The following NAALAD2 variants were observed in gnomAD, a reference collection of about 807,000 sequenced individuals.
NAALAD2 encodes the protein N-acetylated-alpha-linked acidic dipeptidase 2.
A neutral mutation model predicts 95.6 loss-of-function variants in NAALAD2; 89 were observed. The ratio of observed to expected loss-of-function variants is 0.93; its 90% confidence interval spans 0.78 to 1.11. The LOEUF (loss-of-function observed/expected upper bound fraction) is 1.11, where lower values mean the gene tolerates loss of function less well. NAALAD2 is among the 50% of genes least tolerant of loss of function. The pLI, the probability that NAALAD2 is intolerant of heterozygous loss-of-function variation, is 0.00. For synonymous variants in NAALAD2, 264 were observed against 294.4 expected (o/e 0.90, Z 1.06); for missense variants, 894 against 872.4 (o/e 1.02, Z -0.31).
In NAALAD2 at chr11:90,159,936, A is replaced by G. The variant is rs547554530; in HGVS notation, c.989+599A>G. Among the ~76,000 whole-genome samples the G allele has an allele frequency of 1.3e-3, 194 of 149,296 alleles. 1 individual carries two copies. The highest frequency in any genetic ancestry group is 4.8e-3 in the African/African-American group (191 of 39,840). On this transcript the variant is annotated intron_variant, in intron 8 of 18. Coordinates refer to ENST00000534061, the MANE Select transcript of NAALAD2 (RefSeq NM_005467.4). ...GCCATTGCACTTGAGCCTGGCCAAC[A>G]AGACTGAAACTCCATCTAAAAAAAA...
chr11:90,147,222 G>C, intron 2 of NAALAD2, 108 bp from the exon 3 acceptor site: 1 of 851,408 alleles, frequency 1.2e-6, no homozygotes, highest in South Asian at 1.9e-5. Context: ...TGTCATATAG[G>C]AATGACAACT....
chr11:90,181,100 C>T (rs1449276900), intron 16 of NAALAD2, among the ~76,000 whole-genome samples: 1 of 152,106 alleles, frequency 6.6e-6, no homozygotes, highest in Non-Finnish European at 1.5e-5. Context: ...TCACTTTCCT[C>T]AGAAGCATTG....
rs760838874 is a variant in NAALAD2 at position 90,191,742 on chromosome 11, T to A, written c.2218T>A (p.Leu740Ile). Residue 740 changes from leucine to isoleucine, a missense_variant, in exon 19 of 19, where the codon TTA (leucine) becomes ATA (isoleucine). Leu to Ile is a conservative substitution (Grantham distance 5). Coordinates refer to ENST00000534061, the MANE Select transcript of NAALAD2 (RefSeq NM_005467.4). Reference protein sequence around the residue: ...QAAAGTLKEVL With the variant: ...QAAAGTLKEVI The stretch of plus-strand genomic sequence containing the variant: ...AGCAGCAGGAACTCTGAAAGAAGTA[T>A]TATAGAAGGTCTCAAGTGGCTAGCC... 83 of 1,561,230 alleles carry A rather than the reference T, an allele frequency of 5.3e-5. 2 individuals carry two copies. In the South Asian group the frequency reaches 1.0e-3, roughly 19 times the overall value.
At chr11:90,165,601 CTTGTCTGGTATCACCCT>C (rs1316715552) in intron 11 of NAALAD2, among the ~76,000 whole-genome samples, 3 of 152,180 alleles carry the variant, frequency 2.0e-5, no homozygotes, top group Admixed American at 6.5e-5. Flanking sequence ...CTCACAATTA[CTTGTCTGGTATCACCCT>C]TTGTTGATTA....
chr11:90,145,076 G>A (rs1943359), intron 2 of NAALAD2, among the ~76,000 whole-genome samples: 68,734 of 151,938 alleles, frequency 0.45, 16,617 homozygotes, highest in African/African-American at 0.62. Flanking sequence ...TCTAGCAATG[G>A]TTGATTTGAG....
At chr11:90,161,407 A>G (rs1015050274) in intron 8 of NAALAD2, among the ~76,000 whole-genome samples, 2 of 152,102 alleles carry the variant, frequency 1.3e-5, no homozygotes, top group African/African-American at 4.8e-5. Flanking sequence ...GTTTTTCCCA[A>G]TTTTTCCTTA....
chr11:90,174,758 T>C (rs1333951477), intron 14 of NAALAD2, among the ~76,000 whole-genome samples: 3 of 151,982 alleles, frequency 2.0e-5, no homozygotes, highest in African/African-American at 7.2e-5. Context: ...AAACATTATG[T>C]AATAAAAAGT....
intron 14 of NAALAD2, among the ~76,000 whole-genome samples, chr11:90,175,641 G>T (rs1591016010): frequency 6.6e-6 from 1 of 152,222 alleles, no homozygotes; most frequent in South Asian, 2.1e-4. Context: ...AAACAAAAAT[G>T]TAAATGCTGA....
intron 16 of NAALAD2, among the ~76,000 whole-genome samples, chr11:90,179,465 TTATA>T (rs1374234894): frequency 6.6e-6 from 1 of 152,094 alleles, no homozygotes; most frequent in African/African-American, 2.4e-5. Context: ...CTGAATATTA[TTATA>T]TAAAGGATTA....
At chr11:90,159,608 T>G (rs1952226554) in intron 8 of NAALAD2, among the ~76,000 whole-genome samples, 1 of 152,162 alleles carries the variant, frequency 6.6e-6, no homozygotes, top group Non-Finnish European at 1.5e-5. Context: ...TTCAGCTATT[T>G]TTTAAAAATA....
rs960999355 is a variant in NAALAD2 at position 90,186,018 on chromosome 11, C to CT, written c.2033+3020dup. Among the ~76,000 whole-genome samples the CT allele has an allele frequency of 4.7e-4, 70 of 149,296 alleles. 1 individual carries two copies. Among genetic ancestry groups the CT allele is most frequent in the African/African-American group, 1.4e-3 (57 of 40,798 alleles). ...TTGCTTACACTGAAGAACTTGTAAT[C>CT]TTTTTTTTTTAAATTTATTTATTAT... On this transcript the variant is annotated intron_variant, in intron 18 of 18. Coordinates refer to ENST00000534061, the MANE Select transcript of NAALAD2 (RefSeq NM_005467.4).
Position 90,178,107 on chromosome 11 carries a change from A to T in NAALAD2, c.1848A>T (p.Gly616=), listed in dbSNP as rs760364862. The T allele has an allele frequency of 6.2e-7, 1 of 1,608,048 alleles. No homozygotes were observed. The highest frequency in any genetic ancestry group is 1.3e-5 in the African/African-American group (1 of 74,602). Reference sequence around the variant, plus strand: ...ATGATCAACAATTGACAGACCATGGAGTATCATTTGGTAAGAAATAGTTGG... The same window carrying T: ...ATGATCAACAATTGACAGACCATGGTGTATCATTTGGTAAGAAATAGTTGG... ...KKHDQQLTDH[G]VSFDSLFSAV... is the part of the protein sequence containing the mutation. The change falls in exon 16 of 19, where the codon GGA becomes GGT. Residue 616 remains glycine, a synonymous_variant. Coordinates refer to ENST00000534061, the MANE Select transcript of NAALAD2 (RefSeq NM_005467.4).
chr11:90,178,188 T>A, intron 16 of NAALAD2, 71 bp downstream of exon 16: 1 of 1,442,542 alleles, frequency 6.9e-7, no homozygotes, highest in Non-Finnish European at 9.4e-7. Context: ...CCTATGATGA[T>A]CAATGCATAT....
Position 90,158,125 on chromosome 11 carries a change from T to A in NAALAD2, c.797-20T>A. On this transcript the variant is annotated intron_variant, in intron 6 of 18. Transcript: ENST00000534061. ...TCAGATTTTTAAATTGTTTTCATTT[T>A]ATGCATTTGATTTTTTTAGAATACA... is the stretch of plus-strand genomic sequence containing the variant. The A allele has an allele frequency of 6.6e-7, 1 of 1,526,144 alleles. No homozygotes were observed. Among genetic ancestry groups the A allele is most frequent in the East Asian group, 2.3e-5 (1 of 44,316 alleles). The allele number at this position is 1,526,144 out of a possible 1,614,324, so 94.5% of individuals were successfully genotyped here. A position where few individuals can be genotyped will look rare whatever the true frequency, so the allele number is the denominator to read the frequency against.
intron 6 of NAALAD2, among the ~76,000 whole-genome samples, chr11:90,155,406 A>ATGTAAT (rs1565522727): frequency 2.3e-5 from 2 of 85,278 alleles, no homozygotes; most frequent in Non-Finnish European, 4.1e-5. Context: ...TAATATATAT[A>ATGTAAT]ATGTAATATT....
chr11:90,181,400 T>G (rs1014773786), intron 16 of NAALAD2, among the ~76,000 whole-genome samples: 2 of 152,104 alleles, frequency 1.3e-5, no homozygotes, highest in African/African-American at 4.8e-5. Flanking sequence ...CCTAGATTTT[T>G]GAAAGTCATT....
chr11:90,152,831 A>T lies in NAALAD2; in HGVS notation c.796+347A>T, dbSNP rs564903789. On this transcript the variant is annotated intron_variant, in intron 6 of 18. Coordinates refer to ENST00000534061, the MANE Select transcript of NAALAD2 (RefSeq NM_005467.4). ...TAGATTGTATTTTTAAAAATACAATAGATAGATTGAATTATCGATAGATTG... is the reference window on the plus strand; with the variant it reads ...TAGATTGTATTTTTAAAAATACAATTGATAGATTGAATTATCGATAGATTG... 4.6e-5 allele frequency among the ~76,000 whole-genome samples: 7 copies of T among 152,254 alleles called. No homozygotes were observed. In the South Asian group the frequency reaches 1.2e-3, roughly 27 times the overall value.
chr11:90,140,064 T>C (rs1951567848), intron 2 of NAALAD2, among the ~76,000 whole-genome samples: 1 of 152,102 alleles, frequency 6.6e-6, no homozygotes. Flanking sequence ...ATGAGAACCA[T>C]GGGAGATCAT....
chr11:90,168,269 A>G (rs182550700), intron 11 of NAALAD2, among the ~76,000 whole-genome samples: 5 of 152,152 alleles, frequency 3.3e-5, no homozygotes, highest in Non-Finnish European at 5.9e-5. Flanking sequence ...GTAGGAATAA[A>G]CTCCGGACAC....
Sources: gnomAD v4.1 joint callset for allele counts (sites outside exome capture counted in the v4.1 genomes callset) on GRCh38, gnomAD v4.1.1 for gene constraint, MANE v1.5 for transcripts, NCBI Gene and HGNC (gene_info 2026-07-23, HGNC 2026-07-21) for gene names.